LEMD3: variants seen among roughly 807,000 people sequenced by gnomAD.
LEMD3 encodes LEM domain containing 3, also known as inner nuclear membrane protein Man1.
LEMD3 carries 33 observed loss-of-function variants against 95.2 expected under a neutral mutation model. The ratio of observed to expected loss-of-function variants is 0.35; its 90% CI spans 0.26 to 0.46. The LOEUF (loss-of-function observed/expected upper bound fraction) is 0.46, where lower values mean the gene tolerates loss of function less well. Ranked by LOEUF, LEMD3 falls within the 20% of genes least tolerant of loss-of-function variation. The pLI is 1.00. For missense variants in LEMD3, 1,210 were observed against 1,192.8 expected (o/e 1.01, Z -0.21); for synonymous variants, 525 against 474.6 (o/e 1.11, Z -1.38).
intron 1 of LEMD3, among the ~76,000 whole-genome samples, chr12:65,179,857 T>A (rs1868846671): frequency 6.6e-6 from 1 of 152,254 alleles, no homozygotes; most frequent in African/African-American, 2.4e-5. Context: ...AGCTTAATAC[T>A]AATTGTGGAA....
At chr12:65,199,125 GTCTTC>G (rs1447808173) in intron 1 of LEMD3, among the ~76,000 whole-genome samples, 1 of 152,094 alleles carries the variant, frequency 6.6e-6, no homozygotes, top group African/African-American at 2.4e-5. Context: ...ACATCTAAGA[GTCTTC>G]TCTTAGATTA....
At chr12:65,209,021 A>G (rs1010727639) in intron 1 of LEMD3, among the ~76,000 whole-genome samples, 7 of 152,080 alleles carry the variant, frequency 4.6e-5, no homozygotes, top group African/African-American at 1.7e-4. Flanking sequence ...CATCCTGCAA[A>G]ATTGAACACT....
rs546827650 is a variant in LEMD3, at chr12:65,218,895, T to C, written c.1695+276T>C. Among the ~76,000 whole-genome samples, 3 of 151,796 alleles carry C rather than the reference T, an allele frequency of 2.0e-5. No homozygotes were observed. In the East Asian group the frequency reaches 5.8e-4, roughly 29 times the overall value. Reference sequence around the variant, plus strand: ...CGTTCGCAACCGGGGTTCAAGCGATTCTCCTGCCTCAGCCTCGCGAGTAGC... The same window carrying C: ...CGTTCGCAACCGGGGTTCAAGCGATCCTCCTGCCTCAGCCTCGCGAGTAGC... On this transcript the variant is annotated intron_variant, in intron 4 of 12. Transcript: ENST00000308330.
At chr12:65,223,879 T>G (rs1870369685) in intron 4 of LEMD3, among the ~76,000 whole-genome samples, 1 of 151,732 alleles carries the variant, frequency 6.6e-6, no homozygotes, top group African/African-American at 2.4e-5. Flanking sequence ...TTTCTCATTT[T>G]CTTTTACGTG....
At position 65,238,680 on chromosome 12, in the gene LEMD3, T is replaced by G. The variant is rs1265745167; in HGVS notation, c.1787T>G (p.Phe596Cys). 3.1e-6 allele frequency: 5 copies of G among 1,614,112 alleles called. No homozygotes were observed. In the African/African-American group the frequency reaches 6.7e-5, roughly 22 times the overall value. The part of the protein sequence containing the change: ...GKDVGIRCVG[F>C]GPEEELTNIT... ...TTATTTTTAAATAGGTGTGTTGGTT[T>G]TGGCCCTGAGGAAGAATTGACAAAT... Residue 596 changes from phenylalanine (F) to cysteine (C), a missense_variant, in exon 6 of 13, where the codon TTT (phenylalanine) becomes TGT (cysteine). Phe to Cys is a radical substitution (Grantham distance 205, BLOSUM62 -2). This residue lies in a region of LEMD3 where 461 missense variants were observed against 569.8 expected (regional missense o/e 0.81). Transcript: ENST00000308330.
rs1238981683 is a variant in LEMD3 at position 65,216,032 on chromosome 12, C to T, written c.1616C>T (p.Ala539Val). The change falls in exon 3 of 13, where the codon GCA (alanine) becomes GTA (valine). Residue 539 changes from alanine to valine, a missense_variant. Ala to Val is a moderately conservative substitution (Grantham distance 64, BLOSUM62 0). This residue lies in a region of LEMD3 where 461 missense variants were observed against 569.8 expected (regional missense o/e 0.81). Coordinates refer to ENST00000308330, the MANE Select transcript of LEMD3 (RefSeq NM_014319.5). ...NTLYKLHDRL[A>V]QLAGDHECGS... The stretch of plus-strand genomic sequence containing the variant: ...TTATATAAGCTTCATGATCGATTGG[C>T]ACAGCTTGCAGGTAATTGTTTTAAC... 1 of 1,590,480 alleles carries T rather than the reference C, an allele frequency of 6.3e-7. No individual in the cohort carries two copies. Among genetic ancestry groups the T allele is most frequent in the African/African-American group, 1.3e-5 (1 of 74,264 alleles).
intron 4 of LEMD3, among the ~76,000 whole-genome samples, chr12:65,221,141 A>C (rs1028833325): frequency 6.9e-5 from 10 of 145,390 alleles, no homozygotes; most frequent in Admixed American, 6.8e-5. Flanking sequence ...CGAACATGAG[A>C]TGTCTTTCTA....
At chr12:65,218,679 T>A (rs2136340921) in intron 4 of LEMD3, 60 bp downstream of exon 4, 1 of 950,352 alleles carries the variant, frequency 1.1e-6, no homozygotes, top group East Asian at 2.7e-5. Context: ...AAATCATTGC[T>A]ACTTGTAAGA....
chr12:65,179,419 C>G (rs1868832756), intron 1 of LEMD3, among the ~76,000 whole-genome samples: 1 of 152,080 alleles, frequency 6.6e-6, no homozygotes, highest in Non-Finnish European at 1.5e-5. Flanking sequence ...CTTTCCCTAT[C>G]TGAAAAATAT....
chr12:65,190,945 A>G (rs1234854497), intron 1 of LEMD3, among the ~76,000 whole-genome samples: 1 of 152,144 alleles, frequency 6.6e-6, no homozygotes, highest in Non-Finnish European at 1.5e-5. Context: ...AGAGAAAAGA[A>G]AAAAGTTTCC....
At position 65,238,651 on chromosome 12, in the gene LEMD3, T is replaced by C. The variant is rs1180951482; in HGVS notation, c.1776-18T>C. 6.2e-7 allele frequency: 1 copy of C among 1,613,912 alleles called. No individual in the cohort carries two copies. The highest frequency in any genetic ancestry group is 8.5e-7 in the Non-Finnish European group (1 of 1,179,832). On this transcript the variant is annotated intron_variant, in intron 5 of 12. Coordinates refer to ENST00000308330, the MANE Select transcript of LEMD3 (RefSeq NM_014319.5). ...ATGGTTTTTGACTTTAAATTCTACC[T>C]TACTTATTTTTAAATAGGTGTGTTG... is the stretch of plus-strand genomic sequence containing the variant.
At chr12:65,195,585 C>T (rs546681842) in intron 1 of LEMD3, among the ~76,000 whole-genome samples, 3 of 152,220 alleles carry the variant, frequency 2.0e-5, no homozygotes, top group Non-Finnish European at 4.4e-5. Context: ...TTAGGTTAGA[C>T]TAGGTAGAGC....
chr12:65,197,785 T>A (rs540573635), intron 1 of LEMD3, among the ~76,000 whole-genome samples: 1 of 152,172 alleles, frequency 6.6e-6, no homozygotes, highest in Non-Finnish European at 1.5e-5. Flanking sequence ...GCCCTTTTCC[T>A]TTTTTATCAG....
intron 1 of LEMD3, among the ~76,000 whole-genome samples, chr12:65,193,120 C>T (rs1226927114): frequency 1.3e-5 from 2 of 152,140 alleles, no homozygotes; most frequent in Non-Finnish European, 2.9e-5. Flanking sequence ...CGAATTCATA[C>T]GGCTCTGCAG....
Position 65,169,628 on chromosome 12 carries a change from A to C in LEMD3, c.32A>C (p.Gln11Pro). MAAAAASAPQ[Q>P]LSDEELFSQL... ...GCGGCAGCAGCTTCGGCGCCTCAGC[A>C]GCTCTCGGATGAGGAGCTTTTCTCT... The change falls in exon 1 of 13, where the codon CAG (glutamine) becomes CCG (proline). Residue 11 changes from glutamine (Q) to proline (P), a missense_variant. Coordinates refer to ENST00000308330, the MANE Select transcript of LEMD3 (RefSeq NM_014319.5). 6.3e-7 allele frequency: 1 copy of C among 1,589,842 alleles called. No individual in the cohort carries two copies. Among genetic ancestry groups the C allele is most frequent in the Non-Finnish European group, 8.5e-7 (1 of 1,170,274 alleles).
intron 2 of LEMD3, among the ~76,000 whole-genome samples, chr12:65,215,497 G>A (rs1870079386): frequency 1.3e-5 from 2 of 152,124 alleles, no homozygotes; most frequent in Non-Finnish European, 2.9e-5. Context: ...CAGTTCATAA[G>A]TTTATACAGG....
intron 4 of LEMD3, among the ~76,000 whole-genome samples, chr12:65,225,715 G>T (rs1369109148): frequency 6.6e-6 from 1 of 152,106 alleles, no homozygotes; most frequent in Non-Finnish European, 1.5e-5. Context: ...CAAGTAGCTG[G>T]AACTACAGGT....
chr12:65,172,178 A>G (rs768029946), intron 1 of LEMD3, among the ~76,000 whole-genome samples: 91 of 152,320 alleles, frequency 6.0e-4, no homozygotes, highest in Non-Finnish European at 4.9e-4. Context: ...TTCCTAATCT[A>G]TAAGATGAGG....
At position 65,244,285 on chromosome 12, in the gene LEMD3, A is replaced by AC. The variant is rs932123645; in HGVS notation, c.2387+824dup. ...GGCACGCGCACACACACACACACAC[A>AC]CCCCCCCCACACACACAGAGACAAA... On this transcript the variant is annotated intron_variant, in intron 10 of 12. Transcript: ENST00000308330. Among the ~76,000 whole-genome samples, 192 of 145,012 alleles carry AC rather than the reference A, an allele frequency of 1.3e-3. 2 individuals are homozygous for AC. The highest frequency in any genetic ancestry group is 7.2e-3 in the East Asian group (34 of 4,742).
Sources: gnomAD v4.1 joint callset for allele counts (sites outside exome capture counted in the v4.1 genomes callset) on GRCh38, gnomAD v4.1.1 for gene constraint, gnomAD v4.1.1 regional missense constraint, MANE v1.5 for transcripts, NCBI Gene and HGNC (gene_info 2026-07-23, HGNC 2026-07-21) for gene names.